Variants in PDE4B observed in about 807,000 individuals in gnomAD.
PDE4B encodes the protein phosphodiesterase 4B.
A neutral mutation model predicts 82.2 loss-of-function variants in PDE4B; 20 were observed. The ratio of observed to expected loss-of-function variants is 0.24; its 90% CI spans 0.17 to 0.35. The LOEUF (loss-of-function observed/expected upper bound fraction) is 0.35. PDE4B is among the 10% of genes least tolerant of loss of function. The probability of loss-of-function intolerance (pLI) is 1.00; values close to 1 mark genes in which losing one functional copy is unlikely to be tolerated. For synonymous variants in PDE4B, 320 were observed against 318.9 expected, an observed-to-expected ratio of 1.00 and a Z score of -0.04; for missense variants, 655 against 907.2, an observed-to-expected ratio of 0.72 and a Z score of 3.57.
At chr1:65,926,004 T>C (rs535327821) in intron 3 of PDE4B, among the ~76,000 whole-genome samples, 26 of 152,220 alleles carry the variant, frequency 1.7e-4, no homozygotes, top group Non-Finnish European at 3.5e-4. Flanking sequence ...ACCTTTGCAA[T>C]GAGAAAATAG....
chr1:65,816,802 T>C (rs1053215476), intron 1 of PDE4B, among the ~76,000 whole-genome samples: 2 of 152,180 alleles, frequency 1.3e-5, no homozygotes, highest in Non-Finnish European at 2.9e-5. Context: ...TGTGTTTTAA[T>C]TCGAATTTTG....
In PDE4B at chr1:65,903,879, C is replaced by T. The variant is rs183193304; in HGVS notation, c.-70-9366C>T. Reference sequence around the variant, plus strand: ...TTGCTTCTAGGTAGGGAATCACTGGCAGACTTCATATCCAATTATATTTCA... The same window carrying T: ...TTGCTTCTAGGTAGGGAATCACTGGTAGACTTCATATCCAATTATATTTCA... On this transcript the variant is annotated intron_variant, in intron 1 of 16. Transcript: ENST00000341517. Among the ~76,000 whole-genome samples the T allele has an allele frequency of 7.7e-4, 117 of 152,288 alleles. 1 individual carries two copies. Among genetic ancestry groups the T allele is most frequent in the African/African-American group, 2.7e-3 (111 of 41,586 alleles).
chr1:66,167,697 T>C (rs1301075708), intron 3 of PDE4B, among the ~76,000 whole-genome samples: 1 of 152,262 alleles, frequency 6.6e-6, no homozygotes. Context: ...AAAAAGAAAA[T>C]AGGTTACTTC....
intron 3 of PDE4B, among the ~76,000 whole-genome samples, chr1:66,187,359 G>C (rs1647275537): frequency 6.6e-6 from 1 of 152,016 alleles, no homozygotes; most frequent in African/African-American, 2.4e-5. Context: ...AAATGCATTA[G>C]GGAGGATTCC....
chr1:66,152,420 G>A (rs1321040234), intron 3 of PDE4B: 2 of 223,164 alleles, frequency 9.0e-6, no homozygotes, highest in Non-Finnish European at 2.0e-5. Context: ...CAGGGTGGCA[G>A]CACTGGCTGT....
chr1:66,340,117 A>G (rs942684112), intron 8 of PDE4B, among the ~76,000 whole-genome samples: 1 of 152,170 alleles, frequency 6.6e-6, no homozygotes, highest in African/African-American at 2.4e-5. Context: ...AGTTGTCAAT[A>G]TGCTTTCCTG....
intron 3 of PDE4B, among the ~76,000 whole-genome samples, chr1:65,967,484 C>A (rs1333360081): frequency 8.5e-5 from 13 of 152,144 alleles, no homozygotes; most frequent in Admixed American, 8.5e-4. Context: ...GTAGCAATTC[C>A]TCAAGGATCT....
chr1:66,003,821 C>T (rs1652001573), intron 3 of PDE4B, among the ~76,000 whole-genome samples: 1 of 152,164 alleles, frequency 6.6e-6, no homozygotes, highest in African/African-American at 2.4e-5. Context: ...CCAAGACTTC[C>T]TCCTGAGAGT....
intron 8 of PDE4B, among the ~76,000 whole-genome samples, chr1:66,336,203 G>A (rs1013630691): frequency 6.6e-6 from 1 of 152,182 alleles, no homozygotes. Context: ...CGCAGCTGCT[G>A]TGAGGGTGAC....
intron 3 of PDE4B, among the ~76,000 whole-genome samples, chr1:66,095,271 A>G (rs1645092822): frequency 6.6e-6 from 1 of 151,934 alleles, no homozygotes; most frequent in Non-Finnish European, 1.5e-5. Context: ...TAACTTATTT[A>G]AGTCTCAGTT....
intron 3 of PDE4B, among the ~76,000 whole-genome samples, chr1:66,066,568 A>G (rs1655861399): frequency 6.6e-6 from 1 of 151,934 alleles, no homozygotes; most frequent in South Asian, 2.1e-4. Context: ...AGAAAAATGT[A>G]AATAAAATTG....
At chr1:66,152,955 G>A (rs1226615236) in intron 3 of PDE4B, among the ~76,000 whole-genome samples, 1 of 152,166 alleles carries the variant, frequency 6.6e-6, no homozygotes, top group Non-Finnish European at 1.5e-5. Context: ...TTAACATAAA[G>A]TCAGCTGATT....
intron 1 of PDE4B, among the ~76,000 whole-genome samples, chr1:65,874,837 A>G (rs867144441): frequency 2.6e-5 from 4 of 152,118 alleles, no homozygotes; most frequent in African/African-American, 9.7e-5. Context: ...TAAAACCATA[A>G]AAACCCTAGA....
rs114729819 is a variant in PDE4B, at chr1:66,320,065, A to G, written c.635-12443A>G. On this transcript the variant is annotated intron_variant, in intron 7 of 16. Coordinates refer to ENST00000341517, the MANE Select transcript of PDE4B (RefSeq NM_002600.4). The stretch of plus-strand genomic sequence containing the variant: ...CAAACAACACTGAATGGTGTGACCT[A>G]TTTCTAATTTGGTATATTTCTTAAT... 8.4e-3 allele frequency among the ~76,000 whole-genome samples: 1,272 copies of G among 152,166 alleles called. 20 individuals are homozygous for G. Among genetic ancestry groups the G allele is most frequent in the African/African-American group, 0.03 (1,227 of 41,524 alleles).
At chr1:66,082,866 G>T (rs1034107272) in intron 3 of PDE4B, among the ~76,000 whole-genome samples, 6 of 151,906 alleles carry the variant, frequency 3.9e-5, no homozygotes, top group Admixed American at 2.6e-4. Flanking sequence ...AGAAATTGTG[G>T]TTTTTCTGTA....
intron 3 of PDE4B, among the ~76,000 whole-genome samples, chr1:66,149,889 T>C (rs1646356764): frequency 6.6e-6 from 1 of 152,130 alleles, no homozygotes; most frequent in Admixed American, 6.5e-5. Context: ...AAATGAAAAA[T>C]AAAGTTTGGA....
chr1:65,941,444 G>A (rs1648442384), intron 3 of PDE4B, among the ~76,000 whole-genome samples: 1 of 152,030 alleles, frequency 6.6e-6, no homozygotes. Flanking sequence ...AGCATGACGA[G>A]GCCAGAGCAA....
At chr1:66,152,619 T>TG (rs1557597036) in intron 3 of PDE4B, 3 of 100,408 alleles carry the variant, frequency 3.0e-5, no homozygotes, top group Admixed American at 1.2e-4. Flanking sequence ...CATATATATA[T>TG]TTATATATGT....
chr1:66,372,253 A>G (rs552139121), intron 16 of PDE4B, 60 bp from the exon 17 acceptor site: 13 of 1,509,430 alleles, frequency 8.6e-6, no homozygotes, highest in Non-Finnish European at 1.1e-5. Context: ...AAACCAGGAA[A>G]CCTTGTTTAC....
Sources: gnomAD v4.1 joint callset for allele counts (sites outside exome capture counted in the v4.1 genomes callset) on GRCh38, gnomAD v4.1.1 for gene constraint, MANE v1.5 for transcripts, NCBI Gene and HGNC (gene_info 2026-07-23, HGNC 2026-07-21) for gene names.